The following LINGO2 variants were observed in gnomAD, a reference collection of about 807,000 sequenced individuals.
LINGO2 encodes leucine rich repeat and Ig domain containing 2, also known as leucine-rich repeat and immunoglobulin-like domain-containing nogo receptor-interacting protein 2.
In LINGO2, 14 loss-of-function variants were observed where a neutral mutation model predicts 30.6. That is an observed-to-expected ratio of 0.46 (90% confidence interval 0.30 to 0.72). The LOEUF (loss-of-function observed/expected upper bound fraction) is 0.72. Among genes scored for constraint, LINGO2 ranks in the 30% least tolerant of loss-of-function variants. The pLI, the probability that LINGO2 is intolerant of heterozygous loss-of-function variation, is 0.07. For missense variants in LINGO2, 729 were observed against 751.7 expected (o/e 0.97, Z 0.35); for synonymous variants, 317 against 288.5 (o/e 1.10, Z -1.00).
the LINGO2 span, among the ~76,000 whole-genome samples, chr9:28,824,788 C>T: frequency 6.6e-6 from 1 of 152,242 alleles, no homozygotes; most frequent in African/African-American, 2.4e-5. Flanking sequence ...ACCTTTAAAG[C>T]TTTGTGCAGT....
chr9:28,562,931 C>T (rs1273761856), intron 1 of LINGO2, among the ~76,000 whole-genome samples: 1 of 152,068 alleles, frequency 6.6e-6, no homozygotes, highest in Non-Finnish European at 1.5e-5. Context: ...ACTGCAAACT[C>T]CATCTCCCGG....
intron 2 of LINGO2, among the ~76,000 whole-genome samples, chr9:28,466,124 C>G (rs962980103): frequency 7.2e-5 from 11 of 151,954 alleles, no homozygotes; most frequent in African/African-American, 2.7e-4. Context: ...AGATACTCCC[C>G]CAAAAAACAA....
At chr9:28,448,003 C>T (rs1335690866) in intron 2 of LINGO2, among the ~76,000 whole-genome samples, 4 of 151,990 alleles carry the variant, frequency 2.6e-5, no homozygotes, top group Non-Finnish European at 5.9e-5. Flanking sequence ...GTCTCTATTC[C>T]TGTCCTTGTA....
At chr9:29,099,510 T>C in the LINGO2 span, among the ~76,000 whole-genome samples, 1 of 151,932 alleles carries the variant, frequency 6.6e-6, no homozygotes, top group Non-Finnish European at 1.5e-5. Flanking sequence ...AACCAAAATA[T>C]ATGAGGAGAG....
At chr9:28,296,227 C>T (rs1157780159) in intron 3 of LINGO2, among the ~76,000 whole-genome samples, 1 of 152,140 alleles carries the variant, frequency 6.6e-6, no homozygotes, top group African/African-American at 2.4e-5. Flanking sequence ...TGTTATCTGA[C>T]ACATAAACAA....
At chr9:28,897,331 T>G in the LINGO2 span, among the ~76,000 whole-genome samples, 2 of 152,096 alleles carry the variant, frequency 1.3e-5, no homozygotes, top group Non-Finnish European at 2.9e-5. Context: ...AATCCTAAGT[T>G]TATACATCAC....
chr9:28,837,508 G>T, the LINGO2 span, among the ~76,000 whole-genome samples: 1 of 150,956 alleles, frequency 6.6e-6, no homozygotes, highest in Admixed American at 6.6e-5. Context: ...TTAGCTGGGT[G>T]GGGTGGTGCA....
chr9:28,720,614 G>A, the LINGO2 span, among the ~76,000 whole-genome samples: 1 of 151,690 alleles, frequency 6.6e-6, no homozygotes, highest in African/African-American at 2.4e-5. Context: ...GAATTCAAGG[G>A]AAAAAAGGAA....
chr9:28,486,165 G>C (rs16913186), intron 1 of LINGO2, among the ~76,000 whole-genome samples: 1 of 152,068 alleles, frequency 6.6e-6, no homozygotes. Context: ...AATCCAGCAC[G>C]TCCAGACTAC....
chr9:28,867,055 T>G, the LINGO2 span, among the ~76,000 whole-genome samples: 1 of 152,072 alleles, frequency 6.6e-6, no homozygotes. Context: ...TCAGCTCTAT[T>G]TAAAATAACT....
the LINGO2 span, among the ~76,000 whole-genome samples, chr9:28,948,485 T>G: frequency 0.91 from 138,450 of 151,986 alleles, 63,202 homozygotes; most frequent in Non-Finnish European, 0.94. Flanking sequence ...ATTTGGCTCT[T>G]TTGGCAAAAT....
the LINGO2 span, among the ~76,000 whole-genome samples, chr9:29,090,493 T>C: frequency 6.6e-6 from 1 of 152,072 alleles, no homozygotes; most frequent in Non-Finnish European, 1.5e-5. Flanking sequence ...TTCATTTGTG[T>C]ATCTCAAAAG....
At chr9:28,702,470 T>C in the LINGO2 span, among the ~76,000 whole-genome samples, 3 of 151,864 alleles carry the variant, frequency 2.0e-5, no homozygotes, top group Non-Finnish European at 2.9e-5. Context: ...CCCACTCACA[T>C]ACCTGGAATA....
chr9:29,057,597 G>A, the LINGO2 span, among the ~76,000 whole-genome samples: 1 of 152,076 alleles, frequency 6.6e-6, no homozygotes. Context: ...TGAGTTTGGG[G>A]CTACTAAGCA....
intron 1 of LINGO2, among the ~76,000 whole-genome samples, chr9:28,557,389 T>A (rs758630216): frequency 1.3e-5 from 2 of 151,946 alleles, no homozygotes; most frequent in Non-Finnish European, 2.9e-5. Flanking sequence ...AACAGACACA[T>A]GAAAAAATGC....
intron 1 of LINGO2, among the ~76,000 whole-genome samples, chr9:28,591,175 G>A (rs1034817580): frequency 4.6e-5 from 7 of 151,822 alleles, no homozygotes; most frequent in Non-Finnish European, 1.0e-4. Flanking sequence ...GGGGGAGGCG[G>A]GAGGGATAGC....
the LINGO2 span, among the ~76,000 whole-genome samples, chr9:28,992,303 C>G: frequency 6.6e-6 from 1 of 152,118 alleles, no homozygotes; most frequent in Non-Finnish European, 1.5e-5. Flanking sequence ...ATCAATACAA[C>G]AAGAAGAGCT....
the LINGO2 span, among the ~76,000 whole-genome samples, chr9:29,029,224 T>G: frequency 6.6e-6 from 1 of 152,252 alleles, no homozygotes; most frequent in East Asian, 1.9e-4. Context: ...GCCCTGAAAC[T>G]AGATTTCCTA....
At chr9:29,203,514 C>G in the LINGO2 span, among the ~76,000 whole-genome samples, 13 of 152,330 alleles carry the variant, frequency 8.5e-5, no homozygotes, top group South Asian at 2.5e-3. Flanking sequence ...CTCCCTCTCT[C>G]ACACTGCTAC....
Sources: gnomAD v4.1 joint callset for allele counts (sites outside exome capture counted in the v4.1 genomes callset) on GRCh38, gnomAD v4.1.1 for gene constraint, MANE v1.5 for transcripts, NCBI Gene and HGNC (gene_info 2026-07-23, HGNC 2026-07-21) for gene names.